The following ANAPC1 variants were observed in gnomAD, a reference collection of about 807,000 sequenced individuals.
The protein encoded by ANAPC1 is anaphase promoting complex subunit 1, also known as anaphase-promoting complex subunit 1.
In ANAPC1, 36 loss-of-function variants were observed where a neutral mutation model predicts 208.0. The observed-to-expected ratio is 0.17, with a 90% CI of 0.13 to 0.23. ANAPC1 has a LOEUF of 0.23. ANAPC1 is among the 10% of genes least tolerant of loss of function. The probability of loss-of-function intolerance (pLI) is 1.00; values close to 1 mark genes in which losing one functional copy is unlikely to be tolerated. For synonymous variants in ANAPC1, 378 were observed against 695.2 expected, an observed-to-expected ratio of 0.54 and a Z score of 7.18; for missense variants, 942 against 2,011.6, an observed-to-expected ratio of 0.47 and a Z score of 10.17.
intron 21 of ANAPC1, among the ~76,000 whole-genome samples, chr2:111,827,232 A>G (rs1231410602): frequency 6.6e-6 from 1 of 152,234 alleles, no homozygotes. Context: ...TTGAAGAGGA[A>G]AAGAAAAAGA....
At chr2:111,824,603 T>C (rs1573399216) in intron 24 of ANAPC1, among the ~76,000 whole-genome samples, 1 of 152,152 alleles carries the variant, frequency 6.6e-6, no homozygotes, top group Non-Finnish European at 1.5e-5. Flanking sequence ...ATATTATTGC[T>C]TTTAGACTTT....
At chr2:111,781,697 G>C (rs1176756133) in intron 43 of ANAPC1, among the ~76,000 whole-genome samples, 4 of 152,190 alleles carry the variant, frequency 2.6e-5, no homozygotes, top group Non-Finnish European at 4.4e-5. Flanking sequence ...TGGAATTACA[G>C]GAAACTGAAG....
intron 3 of ANAPC1, among the ~76,000 whole-genome samples, chr2:111,876,757 G>A (rs1461748002): frequency 1.3e-5 from 2 of 152,178 alleles, no homozygotes; most frequent in African/African-American, 4.8e-5. Context: ...TCAGGAAATA[G>A]TTAACGGTAG....
chr2:111,792,202 T>A (rs1443036252), intron 38 of ANAPC1, among the ~76,000 whole-genome samples, 160 bp downstream of exon 38: 1 of 147,796 alleles, frequency 6.8e-6, no homozygotes, highest in East Asian at 2.0e-4. Context: ...AAGTTGACGG[T>A]TAAACTACAA....
At chr2:111,873,504 C>T (rs574232666) in intron 4 of ANAPC1, 96 bp from the exon 5 acceptor site, 2 of 1,495,414 alleles carry the variant, frequency 1.3e-6, no homozygotes, top group African/African-American at 1.4e-5. Flanking sequence ...TATAAAGATG[C>T]TTATGGTAAA....
intron 14 of ANAPC1, 143 bp from the exon 15 acceptor site, chr2:111,848,008 T>C (rs1681187411): frequency 1.8e-6 from 1 of 554,090 alleles, no homozygotes; most frequent in South Asian, 2.5e-5. Flanking sequence ...AAGCCAAGCA[T>C]GGTGGTGCAC....
intron 21 of ANAPC1, among the ~76,000 whole-genome samples, chr2:111,829,913 T>G (rs1408310148): frequency 1.3e-5 from 2 of 151,728 alleles, no homozygotes; most frequent in East Asian, 3.9e-4. Context: ...CTACTAAAAA[T>G]ACAAAAAATT....
At chr2:111,849,387 T>C (rs921488105) in intron 14 of ANAPC1, among the ~76,000 whole-genome samples, 4 of 152,256 alleles carry the variant, frequency 2.6e-5, no homozygotes, top group East Asian at 3.9e-4. Context: ...AGTTCCCCCT[T>C]TGAATGTTCT....
At chr2:111,863,608 A>G (rs1162184322) in intron 9 of ANAPC1, 67 bp downstream of exon 9, 16 of 1,479,764 alleles carry the variant, frequency 1.1e-5, no homozygotes, top group Admixed American at 2.0e-5. Context: ...ACAGCTGTCA[A>G]CAGAAATTCT....
At chr2:111,842,028 T>A (rs1413269243) in intron 17 of ANAPC1, among the ~76,000 whole-genome samples, 1 of 152,172 alleles carries the variant, frequency 6.6e-6, no homozygotes, top group Non-Finnish European at 1.5e-5. Flanking sequence ...TCTTTTAAGA[T>A]TCAATGCTTG....
chr2:111,819,978 C>T lies in ANAPC1; in HGVS notation c.3207-1020G>A, dbSNP rs369974158. Among the ~76,000 whole-genome samples the T allele has an allele frequency of 1.4e-3, 207 of 152,276 alleles. 1 individual carries two copies. In the East Asian group the frequency reaches 0.026, roughly 19 times the overall value. The stretch of plus-strand genomic sequence containing the variant: ...GAATTTTTTTAGAGGAAATCTTACA[C>T]ATAATTCACTTCAACTTTGCGCAAG... On this transcript the variant is annotated intron_variant, in intron 26 of 47. Transcript: ENST00000341068.
intron 17 of ANAPC1, among the ~76,000 whole-genome samples, chr2:111,840,206 A>G (rs1242539294): frequency 6.6e-6 from 1 of 152,034 alleles, no homozygotes; most frequent in Non-Finnish European, 1.5e-5. Context: ...AAGCACAAAG[A>G]AATGCCAAAA....
chr2:111,871,448 T>G (rs1682740157), intron 6 of ANAPC1, among the ~76,000 whole-genome samples: 1 of 152,116 alleles, frequency 6.6e-6, no homozygotes, highest in South Asian at 2.1e-4. Context: ...TTGCTGCTCT[T>G]ATAAAAGGGA....
At chr2:111,878,758 T>G in intron 3 of ANAPC1, 52 bp downstream of exon 3, 1 of 1,600,514 alleles carries the variant, frequency 6.2e-7, no homozygotes, top group Non-Finnish European at 8.5e-7. Context: ...ACAAAACTTT[T>G]TTTTAATTGC....
chr2:111,807,616 C>T (rs1195970064), intron 29 of ANAPC1, among the ~76,000 whole-genome samples: 4 of 151,486 alleles, frequency 2.6e-5, no homozygotes, highest in South Asian at 2.1e-4. Flanking sequence ...GGCGTGAACC[C>T]GGGAGGCGGA....
intron 28 of ANAPC1, among the ~76,000 whole-genome samples, chr2:111,810,882 CAAAAAAAAAAAA>C (rs1162540899): frequency 9.7e-5 from 7 of 71,800 alleles, no homozygotes; most frequent in East Asian, 4.3e-4. Flanking sequence ...GACTCCACAT[CAAAAAAAAAAAA>C]AAAAAAAAAA....
At chr2:111,860,284 C>T (rs1362724839) in intron 10 of ANAPC1, among the ~76,000 whole-genome samples, 2 of 151,314 alleles carry the variant, frequency 1.3e-5, no homozygotes, top group African/African-American at 4.9e-5. Flanking sequence ...ACCTGGGTGA[C>T]AGAGTGAGAC....
At chr2:111,842,282 A>C (rs1191163472) in intron 17 of ANAPC1, among the ~76,000 whole-genome samples, 1 of 152,178 alleles carries the variant, frequency 6.6e-6, no homozygotes. Context: ...AAGTAGTATA[A>C]TTATTTTCTT....
chr2:111,830,054 A>T (rs1188131624), intron 21 of ANAPC1, among the ~76,000 whole-genome samples: 1 of 152,126 alleles, frequency 6.6e-6, no homozygotes, highest in Non-Finnish European at 1.5e-5. Context: ...TAGGCGACAG[A>T]GTGAGACTCT....
Sources: gnomAD v4.1 joint callset for allele counts (sites outside exome capture counted in the v4.1 genomes callset) on GRCh38, gnomAD v4.1.1 for gene constraint, MANE v1.5 for transcripts, NCBI Gene and HGNC (gene_info 2026-07-23, HGNC 2026-07-21) for gene names.